INO80D: variants seen among roughly 807,000 people sequenced by gnomAD.
INO80D encodes the protein INO80 complex subunit D.
A neutral mutation model predicts 87.6 loss-of-function variants in INO80D; 21 were observed. The observed-to-expected ratio is 0.24, with a 90% CI of 0.17 to 0.35. The LOEUF is 0.35. INO80D is among the 10% of genes least tolerant of loss of function. INO80D has a pLI of 1.00. For synonymous variants in INO80D, 440 were observed against 491.0 expected (o/e 0.90, Z 1.37); for missense variants, 982 against 1,280.7 (o/e 0.77, Z 3.56).
Position 206,085,627 on chromosome 2 carries a change from G to A in INO80D, c.-124+274C>T, listed in dbSNP as rs930343037. On this transcript the variant is annotated intron_variant, in intron 1 of 10. Coordinates refer to ENST00000403263, the MANE Select transcript of INO80D (RefSeq NM_017759.5). This position sits in a 1 kb window ranked among gnomAD's most constrained non-coding sequence, Gnocchi z 4.5. ...CGCACACCCCCACCTGGCCCGCGCAGGCCGCTCCGCTCGCCCCACTCCGGC... is the reference window on the plus strand; with the variant it reads ...CGCACACCCCCACCTGGCCCGCGCAAGCCGCTCCGCTCGCCCCACTCCGGC... 10 of 146,664 alleles carry A rather than the reference G, an allele frequency of 6.8e-5. No individual in the cohort carries two copies. The highest frequency in any genetic ancestry group is 2.2e-4 in the African/African-American group (9 of 40,540). 9.1% of individuals were successfully genotyped at this position (146,664 alleles called of 1,614,324 possible).
chr2:206,027,522 G>A (rs904783227), intron 6 of INO80D, among the ~76,000 whole-genome samples: 1 of 152,052 alleles, frequency 6.6e-6, no homozygotes, highest in Admixed American at 6.6e-5. Context: ...AATACAGCGA[G>A]ACCCTCACCT....
At position 206,003,058 on chromosome 2, in the gene INO80D, C is replaced by T. The variant is rs1687933542; in HGVS notation, c.*1310G>A. The T allele has an allele frequency of 6.6e-6, 1 of 152,176 alleles. No homozygotes were observed. The highest frequency in any genetic ancestry group is 2.4e-5 in the African/African-American group (1 of 41,450). The allele number at this position is 152,176 out of a possible 1,614,324, so 9.4% of individuals were successfully genotyped here. A position where few individuals can be genotyped will look rare whatever the true frequency, so the allele number is the denominator to read the frequency against. ...CCCTAAAATCCTGGCATTTTAAAAA[C>T]ATTTCCCAAAGCTATTTTCAAATTT... On this transcript the variant is annotated 3_prime_UTR_variant, in exon 11 of 11. Transcript: ENST00000403263.
intron 4 of INO80D, among the ~76,000 whole-genome samples, chr2:206,054,693 TA>T (rs1201186592): frequency 6.6e-6 from 1 of 152,150 alleles, no homozygotes; most frequent in African/African-American, 2.4e-5. Flanking sequence ...TTTGCATTTT[TA>T]GTAGGGACAG....
At chr2:206,029,317 G>A (rs1213365935) in intron 5 of INO80D, among the ~76,000 whole-genome samples, 5 of 152,200 alleles carry the variant, frequency 3.3e-5, no homozygotes, top group Non-Finnish European at 1.5e-5. Context: ...ATGCTATGTG[G>A]AAGTGATGCT....
chr2:206,046,677 A>C lies in INO80D; in HGVS notation c.965-65T>G, dbSNP rs1044609817. The C allele has an allele frequency of 9.5e-6, 10 of 1,049,300 alleles. No individual in the cohort carries two copies. In the African/African-American group the frequency reaches 1.6e-4, roughly 17 times the overall value. 65.0% of individuals were successfully genotyped at this position (1,049,300 alleles called of 1,614,324 possible). A position where few individuals can be genotyped will look rare whatever the true frequency, so the allele number is the denominator to read the frequency against. On this transcript the variant is annotated intron_variant, in intron 4 of 10. Coordinates refer to ENST00000403263, the MANE Select transcript of INO80D (RefSeq NM_017759.5). ...ACTTTTATTCAAAATTTAAACTAAA[A>C]AGCTACACAAAATAACATAACCCAA...
rs77459188 is a variant in INO80D, at chr2:206,063,091, A to C, written c.-29-46T>G. 336 of 983,954 alleles carry C rather than the reference A, an allele frequency of 3.4e-4. 1 individual carries two copies. The African/African-American group carries it at 5.1e-3, about 15-fold the overall frequency. The allele number at this position is 983,954 out of a possible 1,614,324, so 61.0% of individuals were successfully genotyped here. On this transcript the variant is annotated intron_variant, in intron 2 of 10. Coordinates refer to ENST00000403263, the MANE Select transcript of INO80D (RefSeq NM_017759.5). ...AAGAAACCCAAATGATAAATCAGAG[A>C]GTATAAGGCAGATTTAAGTTGAGAA...
intron 5 of INO80D, among the ~76,000 whole-genome samples, chr2:206,033,521 A>T (rs1170211654): frequency 6.6e-6 from 1 of 152,220 alleles, no homozygotes; most frequent in African/African-American, 2.4e-5. Flanking sequence ...ATGGAAAATT[A>T]AAAATTCTTC....
intron 5 of INO80D, among the ~76,000 whole-genome samples, chr2:206,045,912 C>T (rs929567569): frequency 1.3e-5 from 2 of 152,164 alleles, no homozygotes; most frequent in East Asian, 3.9e-4. Flanking sequence ...GTGGGCCTTG[C>T]TTTCCTCTTC....
intron 1 of INO80D, among the ~76,000 whole-genome samples, chr2:206,071,440 G>A (rs566475256): frequency 1.4e-5 from 2 of 145,174 alleles, no homozygotes; most frequent in South Asian, 4.7e-4. Context: ...CTTTTATTGT[G>A]GGAAACTCTT....
chr2:206,004,501 C>T lies in INO80D; in HGVS notation c.2951G>A (p.Ser984Asn), dbSNP rs1215374577. The T allele has an allele frequency of 1.2e-6, 2 of 1,609,490 alleles. No homozygotes were observed. Among genetic ancestry groups the T allele is most frequent in the African/African-American group, 2.7e-5 (2 of 74,860 alleles). Residue 984 changes from serine to asparagine, a missense_variant, in exon 11 of 11, where the codon AGT becomes AAT. Ser to Asn is a conservative substitution (Grantham distance 46, BLOSUM62 1). Coordinates refer to ENST00000403263, the MANE Select transcript of INO80D (RefSeq NM_017759.5). The surrounding 1 kb of genome is among the most constrained non-coding windows in gnomAD (Gnocchi z 4.9). ...GTCCTTAGGAATGCCACTGTGAGAA[C>T]TCAGCTGGTGGCCAAAGGCTGCGCT... ...QFSAAFGHQL[S>N]SHSGIPKDLQ...
Position 206,004,157 on chromosome 2 carries a change from T to G in INO80D, c.*211A>C. On this transcript the variant is annotated 3_prime_UTR_variant, in exon 11 of 11. Coordinates refer to ENST00000403263, the MANE Select transcript of INO80D (RefSeq NM_017759.5). The surrounding 1 kb of genome is among the most constrained non-coding windows in gnomAD (Gnocchi z 4.9). ...GGAAACCACTGGGGCGGAGTGGGCCTGCCAGGAGGGAATGAGCACCAGTGC... is the reference window on the plus strand; with the variant it reads ...GGAAACCACTGGGGCGGAGTGGGCCGGCCAGGAGGGAATGAGCACCAGTGC... 1 of 591,732 alleles carries G rather than the reference T, an allele frequency of 1.7e-6. No individual in the cohort carries two copies. The highest frequency in any genetic ancestry group is 3.0e-6 in the Non-Finnish European group (1 of 333,804). The allele number at this position is 591,732 out of a possible 1,614,324, so 36.7% of individuals were successfully genotyped here.
chr2:206,078,831 C>G (rs1313905386), intron 1 of INO80D, among the ~76,000 whole-genome samples: 1 of 151,978 alleles, frequency 6.6e-6, no homozygotes, highest in African/African-American at 2.4e-5. Flanking sequence ...GTAATCCCAG[C>G]TACTCGGGAG....
chr2:206,035,176 T>G (rs149680302), intron 5 of INO80D, among the ~76,000 whole-genome samples: 1 of 152,076 alleles, frequency 6.6e-6, no homozygotes, highest in East Asian at 1.9e-4. Context: ...CCAAAAGTAA[T>G]CTACAAGTTC....
At chr2:206,018,393 G>A (rs557104152) in intron 7 of INO80D, among the ~76,000 whole-genome samples, 64 of 152,140 alleles carry the variant, frequency 4.2e-4, no homozygotes, top group African/African-American at 1.4e-3. Context: ...TGATCTAGCC[G>A]CCTCAGCCTC....
chr2:206,009,368 C>T (rs1233414308), intron 9 of INO80D, among the ~76,000 whole-genome samples: 1 of 152,068 alleles, frequency 6.6e-6, no homozygotes, highest in African/African-American at 2.4e-5. Context: ...CGCGTCTGTT[C>T]TCTTTATTGT....
intron 5 of INO80D, among the ~76,000 whole-genome samples, chr2:206,042,668 G>A (rs369764593): frequency 7.5e-6 from 1 of 133,738 alleles, no homozygotes; most frequent in East Asian, 2.3e-4. Context: ...ACGACAGAGC[G>A]AGACTTTGTC....
intron 1 of INO80D, among the ~76,000 whole-genome samples, chr2:206,078,061 CAAAAAAAAAAAA>C (rs71410859): frequency 1.6e-4 from 10 of 63,062 alleles, no homozygotes; most frequent in South Asian, 1.8e-3. Flanking sequence ...GCAATGTTTA[CAAAAAAAAAAAA>C]AAAAAAAAAA....
Position 206,003,964 on chromosome 2 carries a change from A to T in INO80D, c.*404T>A. 1 of 195,728 alleles carries T rather than the reference A, an allele frequency of 5.1e-6. No individual in the cohort carries two copies. Among genetic ancestry groups the T allele is most frequent in the Non-Finnish European group, 1.1e-5 (1 of 93,044 alleles). The allele number at this position is 195,728 out of a possible 1,614,324, so 12.1% of individuals were successfully genotyped here. A position where few individuals can be genotyped will look rare whatever the true frequency, so the allele number is the denominator to read the frequency against. On this transcript the variant is annotated 3_prime_UTR_variant, in exon 11 of 11. Coordinates refer to ENST00000403263, the MANE Select transcript of INO80D (RefSeq NM_017759.5). The stretch of plus-strand genomic sequence containing the variant: ...TCTCTTATACAGGAACTCAATTAAT[A>T]AGATCATTCTATCTAGAACCACCTA...
intron 5 of INO80D, among the ~76,000 whole-genome samples, chr2:206,042,474 G>A (rs1689074778): frequency 6.6e-6 from 1 of 152,034 alleles, no homozygotes; most frequent in Admixed American, 6.6e-5. Flanking sequence ...CTGAGGTCAG[G>A]AGTTTGAGAC....
Sources: allele counts gnomAD v4.1 joint callset (sites outside exome capture counted in the v4.1 genomes callset), GRCh38; gene constraint gnomAD v4.1.1; non-coding constraint Gnocchi (gnomAD v3.1); transcripts MANE v1.5; gene names NCBI Gene and HGNC (gene_info 2026-07-23, HGNC 2026-07-21).